RAB38: variants seen among roughly 807,000 people sequenced by gnomAD.
RAB38 encodes RAB38, member RAS oncogene family.
A neutral mutation model predicts 18.4 loss-of-function variants in RAB38; 15 were observed. The ratio of observed to expected loss-of-function variants is 0.82; its 90% confidence interval spans 0.55 to 1.26. The LOEUF is 1.26. Ranked by LOEUF, RAB38 falls within the 50% of genes most tolerant of loss-of-function variation. RAB38 has a pLI of 0.00. For synonymous variants in RAB38, 101 were observed against 104.4 expected (o/e 0.97, Z 0.20); for missense variants, 294 against 267.4 (o/e 1.10, Z -0.69).
the RAB38 span, among the ~76,000 whole-genome samples, chr11:88,072,069 A>T: frequency 6.6e-6 from 1 of 152,198 alleles, no homozygotes; most frequent in African/African-American, 2.4e-5. Flanking sequence ...GCAAGAAACA[A>T]ATCTCATTGT....
chr11:87,804,093 T>G, the RAB38 span, among the ~76,000 whole-genome samples: 32 of 152,268 alleles, frequency 2.1e-4, no homozygotes, highest in Non-Finnish European at 3.7e-4. Context: ...CAACTAGGTT[T>G]AACTCTTCCT....
the RAB38 span, among the ~76,000 whole-genome samples, chr11:87,924,521 G>A: frequency 1.3e-5 from 2 of 151,842 alleles, 1 homozygote; most frequent in South Asian, 4.2e-4. Context: ...ATGGAGAAAG[G>A]GCCTTCTAGC....
chr11:88,140,813 T>A (rs1302174651), intron 2 of RAB38, among the ~76,000 whole-genome samples: 1 of 152,198 alleles, frequency 6.6e-6, no homozygotes, highest in East Asian at 1.9e-4. Flanking sequence ...GAGGGGTTTC[T>A]AAAGAATGTG....
chr11:88,166,154 C>T (rs984583804), intron 1 of RAB38: 8 of 151,986 alleles, frequency 5.3e-5, no homozygotes, highest in African/African-American at 4.8e-5. Context: ...GGAAATGAAC[C>T]AGGAATAGCA....
At chr11:87,976,887 ATATAT>A in the RAB38 span, among the ~76,000 whole-genome samples, 23 of 27,120 alleles carry the variant, frequency 8.5e-4, 9 homozygotes, top group Non-Finnish European at 1.4e-3. Flanking sequence ...ATAATGTATT[ATATAT>A]TATATGTTAT....
At chr11:88,147,905 A>G (rs1366036262) in intron 2 of RAB38, among the ~76,000 whole-genome samples, 2 of 152,120 alleles carry the variant, frequency 1.3e-5, no homozygotes, top group African/African-American at 4.8e-5. Context: ...AAAAACAAAC[A>G]AACAAAAAAA....
At chr11:87,884,734 T>G in the RAB38 span, among the ~76,000 whole-genome samples, 1 of 151,934 alleles carries the variant, frequency 6.6e-6, no homozygotes, top group East Asian at 2.0e-4. Flanking sequence ...CAAAATCAGT[T>G]GAGGGACTCC....
At chr11:87,859,222 A>C in the RAB38 span, among the ~76,000 whole-genome samples, 1 of 152,110 alleles carries the variant, frequency 6.6e-6, no homozygotes, top group South Asian at 2.1e-4. Flanking sequence ...GCCATTGAGA[A>C]GACAAAAAAT....
At chr11:87,851,949 A>G in the RAB38 span, among the ~76,000 whole-genome samples, 36,402 of 152,074 alleles carry the variant, frequency 0.24, 5,377 homozygotes, top group African/African-American at 0.41. Flanking sequence ...GAGACAGGAA[A>G]CTTCATAAGG....
chr11:87,846,344 A>C, the RAB38 span, among the ~76,000 whole-genome samples: 1 of 152,102 alleles, frequency 6.6e-6, no homozygotes, highest in African/African-American at 2.4e-5. Context: ...ATGCTGCTAC[A>C]AGAGCTAAAC....
the RAB38 span, among the ~76,000 whole-genome samples, chr11:88,103,031 T>C: frequency 6.7e-6 from 1 of 149,890 alleles, no homozygotes; most frequent in African/African-American, 2.5e-5. Context: ...CGTGCTGTAA[T>C]TTAACCTTGA....
chr11:88,149,940 C>T lies in RAB38; in HGVS notation c.218G>A (p.Gly73Glu), dbSNP rs866417610. 2 of 1,608,398 alleles carry T rather than the reference C, an allele frequency of 1.2e-6. No individual in the cohort carries two copies. Among genetic ancestry groups the T allele is most frequent in the Non-Finnish European group, 1.7e-6 (2 of 1,177,294 alleles). The stretch of plus-strand genomic sequence containing the variant: ...TCGGTAATAGACCCTCGTCATGTTT[C>T]CAAATCTTTCTTGACCTGACACCAA... ...LWDIAGQERF[G>E]NMTRVYYREA... Residue 73 changes from glycine (G) to glutamate (E), a missense_variant, in exon 2 of 3, where the codon GGA becomes GAA. Coordinates refer to ENST00000243662, the MANE Select transcript of RAB38 (RefSeq NM_022337.3).
At chr11:88,064,389 A>G in the RAB38 span, among the ~76,000 whole-genome samples, 3 of 152,176 alleles carry the variant, frequency 2.0e-5, no homozygotes, top group Non-Finnish European at 4.4e-5. Flanking sequence ...GGAAGTGATG[A>G]ATGCCATTCC....
the RAB38 span, among the ~76,000 whole-genome samples, chr11:88,067,093 G>C: frequency 1.3e-5 from 2 of 152,146 alleles, no homozygotes; most frequent in African/African-American, 4.8e-5. Context: ...TTTGTGCACA[G>C]AGTTACAGGC....
the RAB38 span, among the ~76,000 whole-genome samples, chr11:87,971,712 G>T: frequency 6.6e-6 from 1 of 152,116 alleles, no homozygotes. Flanking sequence ...ATGGAGGAGT[G>T]AGTGTGGGAA....
chr11:87,839,258 T>A, the RAB38 span, among the ~76,000 whole-genome samples: 1 of 152,220 alleles, frequency 6.6e-6, no homozygotes, highest in Non-Finnish European at 1.5e-5. Context: ...TTATACTTTA[T>A]GGGTATCTCC....
At chr11:87,890,555 T>C in the RAB38 span, among the ~76,000 whole-genome samples, 2 of 151,984 alleles carry the variant, frequency 1.3e-5, no homozygotes, top group African/African-American at 4.8e-5. Context: ...CCTAAGCTGT[T>C]TAGAATGGCA....
the RAB38 span, among the ~76,000 whole-genome samples, chr11:88,027,045 C>T: frequency 6.6e-6 from 1 of 152,112 alleles, no homozygotes; most frequent in Non-Finnish European, 1.5e-5. Flanking sequence ...TAAATTCATG[C>T]ATTAATTCAA....
chr11:88,079,455 CCAAA>C, the RAB38 span, among the ~76,000 whole-genome samples: 8 of 151,728 alleles, frequency 5.3e-5, no homozygotes, highest in South Asian at 6.2e-4. Context: ...CTCTTCTAGC[CCAAA>C]CAAACTTACT....
Sources: allele counts gnomAD v4.1 joint callset (sites outside exome capture counted in the v4.1 genomes callset), GRCh38; gene constraint gnomAD v4.1.1; transcripts MANE v1.5; gene names NCBI Gene and HGNC (gene_info 2026-07-23, HGNC 2026-07-21).